SATB1: variants seen among roughly 807,000 people sequenced by gnomAD.
SATB1 encodes the protein DNA-binding protein SATB1.
SATB1 carries 11 observed loss-of-function variants against 86.9 expected under a neutral mutation model. That is an observed-to-expected ratio of 0.13 (90% confidence interval 0.08 to 0.21). SATB1 has a LOEUF of 0.21. SATB1 is among the 10% of genes least tolerant of loss of function. SATB1 has a pLI of 1.00. For missense variants in SATB1, 551 were observed against 937.6 expected (o/e 0.59, Z 5.39); for synonymous variants, 357 against 357.2 (o/e 1.00, Z 0.01).
At chr3:18,445,160 TGGCCAGCGGGGC>T (rs1378627473) in intron 1 of SATB1, 1 of 912,586 alleles carries the variant, frequency 1.1e-6, no homozygotes. Context: ...CGGCGCGGGC[TGGCCAGCGGGGC>T]GGCCAGGGCC....
chr3:18,378,426 G>T, intron 8 of SATB1, 101 bp from the exon 9 acceptor site: 1 of 1,117,488 alleles, frequency 8.9e-7, no homozygotes, highest in Non-Finnish European at 1.3e-6. Flanking sequence ...TTCCTTTTAT[G>T]ATCAAGGTGA....
At chr3:18,358,759 A>C (rs1263451659) in intron 9 of SATB1, among the ~76,000 whole-genome samples, 1 of 152,006 alleles carries the variant, frequency 6.6e-6, no homozygotes, top group Admixed American at 6.6e-5. Context: ...AAATAATAAT[A>C]ATCTTCTTTT....
intron 2 of SATB1, among the ~76,000 whole-genome samples, chr3:18,430,700 A>G (rs1698861232): frequency 6.6e-6 from 1 of 152,242 alleles, no homozygotes; most frequent in African/African-American, 2.4e-5. Flanking sequence ...GATGATAATG[A>G]ACTCTAAATA....
chr3:18,349,592 G>C lies in SATB1; in HGVS notation c.1870C>G (p.Leu624Val), dbSNP rs1364609733. Residue 624 changes from leucine to valine, a missense_variant, in exon 11 of 11, where the codon CTC (leucine) becomes GTC (valine). Leu to Val is a conservative substitution (Grantham distance 32). Around this residue, in one of 8 missense-constraint regions of SATB1, gnomAD observed 87 missense variants for 103.6 expected, o/e 0.84. Coordinates refer to ENST00000338745, the MANE Select transcript of SATB1 (RefSeq NM_002971.6). This position sits in a 1 kb window ranked among gnomAD's most constrained non-coding sequence, Gnocchi z 5.5. The part of the protein sequence containing the change: ...PQQQPQTGPR[L>V]PPRQPTVASP... ...GCCACCGTGGGTTGCCGTGGGGGGA[G>C]CCGAGGGCCTGTCTGTGGCTGCTGC... 1 of 1,613,652 alleles carries C rather than the reference G, an allele frequency of 6.2e-7. No homozygotes were observed. Among genetic ancestry groups the C allele is most frequent in the Non-Finnish European group, 8.5e-7 (1 of 1,179,958 alleles).
At chr3:18,397,364 T>A in intron 5 of SATB1, 74 bp from the exon 6 acceptor site, 1 of 889,666 alleles carries the variant, frequency 1.1e-6, no homozygotes, top group Non-Finnish European at 1.9e-6. Flanking sequence ...ATCTCAATTG[T>A]GGCAACTGTA....
chr3:18,362,860 CAAAAAAAAAAA>C (rs35470564), intron 9 of SATB1, among the ~76,000 whole-genome samples: 2 of 32,294 alleles, frequency 6.2e-5, no homozygotes, highest in Non-Finnish European at 1.2e-4. Context: ...ATGCCATGTG[CAAAAAAAAAAA>C]AAAAAAAAAA....
At position 18,425,166 on chromosome 3, in the gene SATB1, C is replaced by A; in HGVS notation, c.-1564G>T. 5.7e-6 allele frequency: 1 copy of A among 176,970 alleles called. No individual in the cohort carries two copies. The highest frequency in any genetic ancestry group is 1.2e-5 in the Non-Finnish European group (1 of 86,150). 11.0% of individuals were successfully genotyped at this position (176,970 alleles called of 1,614,324 possible). On this transcript the variant is annotated 5_prime_UTR_variant, in exon 1 of 11. Coordinates refer to ENST00000338745, the MANE Select transcript of SATB1 (RefSeq NM_002971.6). ...GCTGCTGCTGCCGCCGCCGCCGCCG[C>A]TGCCGCTGTGGGTGCCTCTTCTTCC...
intron 5 of SATB1, among the ~76,000 whole-genome samples, chr3:18,408,368 T>C (rs553399362): frequency 6.6e-5 from 10 of 152,040 alleles, no homozygotes; most frequent in Non-Finnish European, 1.2e-4. Flanking sequence ...GCGCCCTTCA[T>C]GCAAGCATCC....
intron 8 of SATB1, among the ~76,000 whole-genome samples, chr3:18,382,032 A>C (rs1696090479): frequency 6.6e-6 from 1 of 152,198 alleles, no homozygotes; most frequent in African/African-American, 2.4e-5. Context: ...CAAGGGATTC[A>C]TAAGAAATAA....
At position 18,345,900 on chromosome 3, in the gene SATB1, T is replaced by C. The variant is rs996188008; in HGVS notation, c.*3270A>G. ...TTGGGAATAGGGCAGAATTTAATAA[T>C]GGAATGTATGGGATTCTCATTTTTA... On this transcript the variant is annotated 3_prime_UTR_variant, in exon 11 of 11. Coordinates refer to ENST00000338745, the MANE Select transcript of SATB1 (RefSeq NM_002971.6). The C allele has an allele frequency of 6.6e-6, 1 of 152,154 alleles. No individual in the cohort carries two copies. The highest frequency in any genetic ancestry group is 1.5e-5 in the Non-Finnish European group (1 of 67,982). 9.4% of individuals were successfully genotyped at this position (152,154 alleles called of 1,614,324 possible). A position where few individuals can be genotyped will look rare whatever the true frequency, so the allele number is the denominator to read the frequency against.
At position 18,420,900 on chromosome 3, in the gene SATB1, G is replaced by A. The variant is rs373941212; in HGVS notation, c.68C>T (p.Pro23Leu). Residue 23 changes from proline (P) to leucine (L), a missense_variant, in exon 2 of 11, where the codon CCG becomes CTG. Coordinates refer to ENST00000338745, the MANE Select transcript of SATB1 (RefSeq NM_002971.6). ...HSEMSNNVSD[P>L]KGPPAKIARL... Reference sequence around the variant, plus strand: ...GGCAATCTTGGCTGGTGGACCCTTCGGATCACTCACATTGTTAGACATTTC... The same window carrying A: ...GGCAATCTTGGCTGGTGGACCCTTCAGATCACTCACATTGTTAGACATTTC... 1.8e-5 allele frequency: 29 copies of A among 1,614,134 alleles called. No individual in the cohort carries two copies. The African/African-American group carries it at 2.3e-4, about 13-fold the overall frequency.
upstream of SATB1, among the ~76,000 whole-genome samples, chr3:18,430,125 TACTCTAATAGCGGACAG>T (rs924050428): frequency 8.5e-5 from 13 of 152,226 alleles, no homozygotes; most frequent in African/African-American, 3.1e-4. Flanking sequence ...ATGTGACTAA[TACTCTAATAGCGGACAG>T]TGTAGATTAC....
intron 5 of SATB1, among the ~76,000 whole-genome samples, chr3:18,401,790 A>C (rs1015192526): frequency 6.6e-6 from 1 of 152,146 alleles, no homozygotes; most frequent in African/African-American, 2.4e-5. Context: ...TCTAAGATCC[A>C]TAAAGCACAT....
intron 10 of SATB1, 100 bp downstream of exon 10, chr3:18,351,892 T>G: frequency 8.9e-7 from 1 of 1,123,796 alleles, no homozygotes; most frequent in Non-Finnish European, 1.3e-6. Context: ...CTAAAAAGCC[T>G]ATGGTTAGAC....
At chr3:18,375,018 C>A (rs1695673140) in intron 9 of SATB1, among the ~76,000 whole-genome samples, 1 of 152,146 alleles carries the variant, frequency 6.6e-6, no homozygotes, top group Admixed American at 6.6e-5. Flanking sequence ...GACTCCTCCA[C>A]CCTGTACACC....
rs922583694 is a variant in SATB1 at position 18,349,988 on chromosome 3, A to G, written c.1780-306T>C. On this transcript the variant is annotated intron_variant, in intron 10 of 10. Transcript: ENST00000338745. This position sits in a 1 kb window ranked among gnomAD's most constrained non-coding sequence, Gnocchi z 5.5. ...GTGAGCCATAAAATTCACTAGAATG[A>G]TACGCATCAAAGGCGAAGACAGCAC... 2.9e-5 allele frequency: 11 copies of G among 385,412 alleles called. No homozygotes were observed. The highest frequency in any genetic ancestry group is 8.2e-5 in the African/African-American group (4 of 48,538). 23.9% of individuals were successfully genotyped at this position (385,412 alleles called of 1,614,324 possible). A position where few individuals can be genotyped will look rare whatever the true frequency, so the allele number is the denominator to read the frequency against.
At chr3:18,351,430 A>G (rs1445996773) in intron 10 of SATB1, 2 of 1,508,082 alleles carry the variant, frequency 1.3e-6, no homozygotes, top group Non-Finnish European at 8.9e-7. Flanking sequence ...ACAAACAGAG[A>G]TGACTCACCC....
chr3:18,437,514 CAT>C (rs934148171), intron 1 of SATB1, among the ~76,000 whole-genome samples: 3 of 152,024 alleles, frequency 2.0e-5, no homozygotes, highest in African/African-American at 7.2e-5. Flanking sequence ...ATATAGTTAA[CAT>C]GTCTCAGAAA....
intron 9 of SATB1, among the ~76,000 whole-genome samples, chr3:18,369,972 C>A (rs1013449653): frequency 6.6e-6 from 1 of 152,110 alleles, no homozygotes; most frequent in Non-Finnish European, 1.5e-5. Context: ...TAATTACAAG[C>A]GAGAGGGTGA....
Sources: gnomAD v4.1 joint callset for allele counts (sites outside exome capture counted in the v4.1 genomes callset) on GRCh38, gnomAD v4.1.1 for gene constraint, gnomAD v4.1.1 regional missense constraint, Gnocchi (gnomAD v3.1) non-coding constraint, MANE v1.5 for transcripts, NCBI Gene and HGNC (gene_info 2026-07-23, HGNC 2026-07-21) for gene names.